SMARCA4: variants seen among roughly 807,000 people sequenced by gnomAD.
SMARCA4 encodes the protein SWI/SNF-related matrix-associated actin-dependent regulator of chromatin subfamily A member 4.
In SMARCA4, 31 loss-of-function variants were observed where a neutral mutation model predicts 193.9. That is an observed-to-expected ratio of 0.16 (90% confidence interval 0.12 to 0.22). The LOEUF is 0.22. Among genes scored for constraint, SMARCA4 ranks in the 10% least tolerant of loss-of-function variants. The pLI, the probability that SMARCA4 is intolerant of heterozygous loss-of-function variation, is 1.00. For synonymous variants in SMARCA4, 942 were observed against 933.1 expected, an observed-to-expected ratio of 1.01 and a Z score of -0.17; for missense variants, 1,148 against 2,296.0, an observed-to-expected ratio of 0.50 and a Z score of 10.22.
chr19:10,984,505 C>T lies in SMARCA4; in HGVS notation c.222+132C>T, dbSNP rs951955223. On this transcript the variant is annotated intron_variant, in intron 2 of 34. Transcript: ENST00000344626. This position sits in a 1 kb window ranked among gnomAD's most constrained non-coding sequence, Gnocchi z 4.3. ...TTGGAGGTGTCCTGCCTTGGCTCAGCCCCCTACCCCAGGGCCCACGGCCAT... is the reference window on the plus strand; with the variant it reads ...TTGGAGGTGTCCTGCCTTGGCTCAGTCCCCTACCCCAGGGCCCACGGCCAT... 1 of 1,473,310 alleles carries T rather than the reference C, an allele frequency of 6.8e-7. No individual in the cohort carries two copies. Among genetic ancestry groups the T allele is most frequent in the African/African-American group, 1.4e-5 (1 of 71,700 alleles). 91.3% of individuals were successfully genotyped at this position (1,473,310 alleles called of 1,614,324 possible). A position where few individuals can be genotyped will look rare whatever the true frequency, so the allele number is the denominator to read the frequency against.
chr19:11,029,439 C>T (rs1421635725), intron 24 of SMARCA4, among the ~76,000 whole-genome samples: 2 of 152,228 alleles, frequency 1.3e-5, no homozygotes, highest in Admixed American at 1.3e-4. Flanking sequence ...GAATCCATTG[C>T]GAGTAGAGGA....
chr19:11,042,222 G>T (rs1417969347), intron 30 of SMARCA4, among the ~76,000 whole-genome samples: 1 of 152,234 alleles, frequency 6.6e-6, no homozygotes, highest in African/African-American at 2.4e-5. Flanking sequence ...GGATCATAAC[G>T]TGTTGGTGGA....
At chr19:10,991,430 G>A in intron 8 of SMARCA4, 107 bp downstream of exon 8, 1 of 1,515,044 alleles carries the variant, frequency 6.6e-7, no homozygotes, top group Non-Finnish European at 8.9e-7. Context: ...CATGCTGCTT[G>A]TCTCTCTCTT....
At chr19:10,979,131 G>A (rs1260343158) in intron 1 of SMARCA4, among the ~76,000 whole-genome samples, 10 of 152,150 alleles carry the variant, frequency 6.6e-5, no homozygotes, top group African/African-American at 2.4e-4. Context: ...TTGATGAAGA[G>A]CACCTGGAAT....
intron 30 of SMARCA4, among the ~76,000 whole-genome samples, chr19:11,049,784 A>T (rs1340646347): frequency 6.6e-6 from 1 of 152,130 alleles, no homozygotes; most frequent in East Asian, 1.9e-4. Context: ...TGCGACAGTG[A>T]TAGGGCAGAG....
chr19:11,032,013 CT>C (rs1187949184), intron 25 of SMARCA4: 1 of 152,278 alleles, frequency 6.6e-6, no homozygotes, highest in Non-Finnish European at 1.5e-5. Context: ...CTGGTGGCCC[CT>C]TTTACGATCA....
intron 29 of SMARCA4, among the ~76,000 whole-genome samples, chr19:11,035,498 TG>T (rs750243501): frequency 5.1e-4 from 78 of 152,342 alleles, no homozygotes; most frequent in Non-Finnish European, 1.0e-3. Context: ...GGGTGAATCA[TG>T]GACTATTGAG....
At chr19:10,992,982 T>C (rs1034188635) in intron 8 of SMARCA4, among the ~76,000 whole-genome samples, 17 of 149,930 alleles carry the variant, frequency 1.1e-4, no homozygotes, top group Non-Finnish European at 1.8e-4. Context: ...TCTAAAACTT[T>C]GCTTTTTTTT....
chr19:11,061,920 T>TC lies in SMARCA4; in HGVS notation c.*104_*105insC. The TC allele has an allele frequency of 9.6e-7, 1 of 1,041,834 alleles. No homozygotes were observed. 64.5% of individuals were successfully genotyped at this position (1,041,834 alleles called of 1,614,324 possible). A position where few individuals can be genotyped will look rare whatever the true frequency, so the allele number is the denominator to read the frequency against. On this transcript the variant is annotated 3_prime_UTR_variant, in exon 35 of 35. Transcript: ENST00000344626. Reference sequence around the variant, plus strand: ...AGCAGATGTAGTTTCAGACTTGGAGTAAAACTGTATAAACAAAAGAATCTT... The same window carrying TC: ...AGCAGATGTAGTTTCAGACTTGGAGTCAAAACTGTATAAACAAAAGAATCTT...
chr19:10,976,937 G>A (rs1348220245), intron 1 of SMARCA4, among the ~76,000 whole-genome samples: 12 of 151,982 alleles, frequency 7.9e-5, no homozygotes, highest in African/African-American at 2.2e-4. Context: ...TGCGCCTGTA[G>A]TCCCAGCTAC....
intron 11 of SMARCA4, among the ~76,000 whole-genome samples, chr19:10,999,947 C>T (rs145283683): frequency 2.6e-5 from 4 of 151,690 alleles, no homozygotes; most frequent in Admixed American, 6.6e-5. Context: ...TTACTGGGGC[C>T]GGGTGCGGTG....
Position 11,029,207 on chromosome 19 carries a change from T to C in SMARCA4, c.3382+1257T>C, listed in dbSNP as rs541546732. 2.0e-5 allele frequency among the ~76,000 whole-genome samples: 3 copies of C among 152,298 alleles called. No individual in the cohort carries two copies. In the South Asian group the frequency reaches 6.2e-4, roughly 32 times the overall value. On this transcript the variant is annotated intron_variant, in intron 24 of 34. Coordinates refer to ENST00000344626, the MANE Select transcript of SMARCA4 (RefSeq NM_003072.5). ...TCATGGCCGGGCCACCCCCCACCCT[T>C]TCCTCTCCTACGGTCTCTCCAGCGG...
intron 24 of SMARCA4, 125 bp downstream of exon 24, chr19:11,028,075 G>T (rs1043187075): frequency 8.7e-6 from 9 of 1,032,276 alleles, no homozygotes; most frequent in Non-Finnish European, 1.4e-5. Context: ...CCAGTGGCCA[G>T]AGTGGGCCTA....
In SMARCA4 at chr19:11,028,251, T is replaced by G. The variant is rs890595828; in HGVS notation, c.3382+301T>G. Reference sequence around the variant, plus strand: ...GGAAGTGACAGAATTCCATACCATGTGGACACAGGAAAGAAAGCACCAATA... The same window carrying G: ...GGAAGTGACAGAATTCCATACCATGGGGACACAGGAAAGAAAGCACCAATA... On this transcript the variant is annotated intron_variant, in intron 24 of 34. Transcript: ENST00000344626. Among the ~76,000 whole-genome samples, 5 of 152,190 alleles carry G rather than the reference T, an allele frequency of 3.3e-5. No individual in the cohort carries two copies. In the South Asian group the frequency reaches 6.2e-4, roughly 19 times the overall value.
At chr19:11,029,642 G>T (rs1023899120) in intron 24 of SMARCA4, among the ~76,000 whole-genome samples, 12 of 152,240 alleles carry the variant, frequency 7.9e-5, no homozygotes, top group African/African-American at 2.7e-4. Context: ...GCCTGGGCAT[G>T]TGTAGGCTGG....
chr19:11,023,495 T>A, intron 19 of SMARCA4, 23 bp from the exon 20 acceptor site: 1 of 1,479,738 alleles, frequency 6.8e-7, no homozygotes, highest in South Asian at 1.1e-5. Context: ...AACGCTTGCT[T>A]CTCCTGTCTT....
chr19:10,975,469 G>C (rs2085056931), intron 1 of SMARCA4, among the ~76,000 whole-genome samples: 1 of 151,782 alleles, frequency 6.6e-6, no homozygotes. Context: ...GCTCCACCAC[G>C]CCCAGCTAAT....
intron 23 of SMARCA4, among the ~76,000 whole-genome samples, chr19:11,027,158 G>A (rs148137328): frequency 1.9e-4 from 29 of 152,322 alleles, no homozygotes; most frequent in African/African-American, 6.7e-4. Flanking sequence ...TGCAAGAAGA[G>A]AGGCGCCTAA....
chr19:11,022,668 C>G (rs778554943), intron 19 of SMARCA4, among the ~76,000 whole-genome samples: 23 of 152,186 alleles, frequency 1.5e-4, no homozygotes, highest in Non-Finnish European at 1.3e-4. Flanking sequence ...CTGGGCCCAC[C>G]CCCTTCTTCC....
Sources: gnomAD v4.1 joint callset for allele counts (sites outside exome capture counted in the v4.1 genomes callset) on GRCh38, gnomAD v4.1.1 for gene constraint, Gnocchi (gnomAD v3.1) non-coding constraint, MANE v1.5 for transcripts, NCBI Gene and HGNC (gene_info 2026-07-23, HGNC 2026-07-21) for gene names.